Variants in TRMT11 observed in about 807,000 individuals in gnomAD.
TRMT11 encodes the protein tRNA (guanine(10)-N(2))-methyltransferase TRMT11.
In TRMT11, 53 loss-of-function variants were observed where a neutral mutation model predicts 62.8. The observed-to-expected ratio is 0.84, with a 90% CI of 0.68 to 1.06. The LOEUF (loss-of-function observed/expected upper bound fraction) is 1.06, where lower values mean the gene tolerates loss of function less well. TRMT11 is among the 50% of genes least tolerant of loss of function. The pLI is 0.00. For synonymous variants in TRMT11, 188 were observed against 190.3 expected (o/e 0.99, Z 0.10); for missense variants, 556 against 553.4 (o/e 1.00, Z -0.05).
intron 17 of TRMT11, among the ~76,000 whole-genome samples, chr6:126,075,340 GTTGAA>G (rs780900938): frequency 3.9e-5 from 6 of 152,118 alleles, no homozygotes; most frequent in Non-Finnish European, 8.8e-5. Flanking sequence ...CCAATCTCAT[GTTGAA>G]TTGTAATCCC....
the TRMT11 span, among the ~76,000 whole-genome samples, chr6:126,268,560 G>A: frequency 6.6e-6 from 1 of 152,256 alleles, no homozygotes; most frequent in African/African-American, 2.4e-5. Flanking sequence ...AAATCAAGAA[G>A]AATTTGTTCC....
At position 126,008,405 on chromosome 6, in the gene TRMT11, A is replaced by T. The variant is rs1447113639; in HGVS notation, c.693A>T (p.Ile231=). 2 of 1,613,004 alleles carry T rather than the reference A, an allele frequency of 1.2e-6. No individual in the cohort carries two copies. The highest frequency in any genetic ancestry group is 1.7e-6 in the Non-Finnish European group (2 of 1,179,214). ...DPFVGTGGLL[I]ACAHFGAYVY... ...GTGATTTTTCAGGTGGCCTGCTGAT[A>T]GCATGTGCTCATTTTGGTGCATATG... The change falls in exon 8 of 13, where the codon ATA becomes ATT. Residue 231 remains isoleucine, a synonymous_variant. Coordinates refer to ENST00000334379, the MANE Select transcript of TRMT11 (RefSeq NM_001031712.3).
chr6:126,257,065 T>C, the TRMT11 span, among the ~76,000 whole-genome samples: 2 of 151,912 alleles, frequency 1.3e-5, no homozygotes, highest in Non-Finnish European at 2.9e-5. Context: ...TTTGTTTTTT[T>C]AGTAGAGATG....
the TRMT11 span, among the ~76,000 whole-genome samples, chr6:126,262,647 A>G: frequency 6.6e-6 from 1 of 152,174 alleles, no homozygotes; most frequent in Non-Finnish European, 1.5e-5. Flanking sequence ...TACTCTTCAA[A>G]TTGGATTTAG....
chr6:126,207,038 A>G (rs758810489), downstream of TRMT11, among the ~76,000 whole-genome samples: 9 of 152,186 alleles, frequency 5.9e-5, no homozygotes, highest in Non-Finnish European at 1.3e-4. Context: ...TCTAGTGGAC[A>G]TGATGTCATT....
chr6:126,025,906 G>GT (rs1772986022), intron 12 of TRMT11, among the ~76,000 whole-genome samples: 1 of 152,150 alleles, frequency 6.6e-6, no homozygotes, highest in East Asian at 1.9e-4. Context: ...AAGTGTAAAT[G>GT]TAAGTTACAA....
chr6:126,008,252 G>A lies in TRMT11; in HGVS notation c.680-140G>A, dbSNP rs973864929. On this transcript the variant is annotated intron_variant, in intron 7 of 12. Coordinates refer to ENST00000334379, the MANE Select transcript of TRMT11 (RefSeq NM_001031712.3). Reference sequence around the variant, plus strand: ...AGGGGTTTGTTTTTTCAGTCCTGAGGCTTACTAAATATGTTACGACCAATG... The same window carrying A: ...AGGGGTTTGTTTTTTCAGTCCTGAGACTTACTAAATATGTTACGACCAATG... The A allele has an allele frequency of 2.1e-5, 16 of 754,418 alleles. No individual in the cohort carries two copies. The Admixed American group carries it at 2.6e-4, about 12-fold the overall frequency. The allele number at this position is 754,418 out of a possible 1,614,324, so 46.7% of individuals were successfully genotyped here. A position where few individuals can be genotyped will look rare whatever the true frequency, so the allele number is the denominator to read the frequency against.
chr6:126,106,764 A>G (rs1032723667), intron 17 of TRMT11, among the ~76,000 whole-genome samples: 2 of 152,160 alleles, frequency 1.3e-5, no homozygotes, highest in African/African-American at 4.8e-5. Context: ...AGCTTAGCCC[A>G]GGGCTGGCAT....
exon 4 of TRMT11, chr6:126,202,049 C>T (rs1222164704): frequency 2.6e-5 from 4 of 151,960 alleles, no homozygotes; most frequent in Non-Finnish European, 1.5e-5. Flanking sequence ...GAGAAGATGC[C>T]CTATACGTGT....
chr6:126,086,004 CAA>C (rs1562319845), intron 17 of TRMT11, among the ~76,000 whole-genome samples: 1 of 151,974 alleles, frequency 6.6e-6, no homozygotes, highest in Non-Finnish European at 1.5e-5. Context: ...CAAAACAAAA[CAA>C]AACACAAAAC....
chr6:126,026,542 A>T (rs1010079357), intron 12 of TRMT11, among the ~76,000 whole-genome samples: 1 of 148,112 alleles, frequency 6.8e-6, no homozygotes, highest in Non-Finnish European at 1.5e-5. Flanking sequence ...GTGTGCCACC[A>T]TGCCCAGCTA....
chr6:126,173,944 G>A (rs1021802111), upstream of TRMT11, among the ~76,000 whole-genome samples: 1 of 152,090 alleles, frequency 6.6e-6, no homozygotes, highest in Non-Finnish European at 1.5e-5. Context: ...TCATGTGGGT[G>A]GGGGAGCTAT....
intron 12 of TRMT11, among the ~76,000 whole-genome samples, chr6:126,029,344 C>T (rs1366268493): frequency 6.6e-6 from 1 of 152,108 alleles, no homozygotes. Context: ...TAGAGTAATG[C>T]AGCACTCCAG....
chr6:126,206,688 T>G (rs1284262112), downstream of TRMT11, among the ~76,000 whole-genome samples: 3 of 152,224 alleles, frequency 2.0e-5, no homozygotes, highest in Admixed American at 2.0e-4. Flanking sequence ...AAGCCTCCCT[T>G]GGATTTGGTC....
At chr6:126,009,527 CTT>C (rs952893702) in intron 8 of TRMT11, 3 of 151,930 alleles carry the variant, frequency 2.0e-5, no homozygotes, top group South Asian at 2.1e-4. Flanking sequence ...TTATAATACT[CTT>C]TTCCTTTTCC....
intron 17 of TRMT11, among the ~76,000 whole-genome samples, chr6:126,103,421 A>AGTG (rs1742624602): frequency 1.3e-5 from 2 of 152,222 alleles, no homozygotes; most frequent in Admixed American, 1.3e-4. Flanking sequence ...CCACAGACAT[A>AGTG]GTGGCTTAAA....
intron 21 of TRMT11, among the ~76,000 whole-genome samples, chr6:126,126,610 C>A (rs968181807): frequency 6.6e-6 from 1 of 152,100 alleles, no homozygotes; most frequent in Non-Finnish European, 1.5e-5. Context: ...CCTTCAGAAG[C>A]AGTCTTCATG....
intron 21 of TRMT11, among the ~76,000 whole-genome samples, chr6:126,150,759 T>C (rs1281827486): frequency 6.6e-6 from 1 of 152,212 alleles, no homozygotes; most frequent in East Asian, 1.9e-4. Context: ...TTGCTCTTCC[T>C]GAATTCTTGC....
chr6:126,022,546 T>C (rs1216047732), intron 12 of TRMT11, among the ~76,000 whole-genome samples: 1 of 152,250 alleles, frequency 6.6e-6, no homozygotes, highest in Non-Finnish European at 1.5e-5. Context: ...ACCTGGTTTA[T>C]GTTCACAGTC....
Sources: gnomAD v4.1 joint callset for allele counts (sites outside exome capture counted in the v4.1 genomes callset) on GRCh38, gnomAD v4.1.1 for gene constraint, MANE v1.5 for transcripts, NCBI Gene and HGNC (gene_info 2026-07-23, HGNC 2026-07-21) for gene names.